PCDHA7: variants seen among roughly 807,000 people sequenced by gnomAD.
PCDHA7 encodes protocadherin alpha 7, also known as protocadherin alpha-7.
A neutral mutation model predicts 57.2 loss-of-function variants in PCDHA7; 37 were observed. The ratio of observed to expected loss-of-function variants is 0.65; its 90% CI spans 0.50 to 0.85. PCDHA7 has a LOEUF of 0.85. PCDHA7 is among the 40% of genes least tolerant of loss of function. The pLI is 0.00. For synonymous variants in PCDHA7, 553 were observed against 558.8 expected (o/e 0.99, Z 0.15); for missense variants, 1,188 against 1,241.8 (o/e 0.96, Z 0.65).
At chr5:140,915,841 G>A (rs1315300132) in intron 1 of PCDHA7, among the ~76,000 whole-genome samples, 1 of 152,098 alleles carries the variant, frequency 6.6e-6, no homozygotes, top group African/African-American at 2.4e-5. Context: ...GATCAGCAGG[G>A]GGTGACACCA....
chr5:140,873,537 A>G, intron 1 of PCDHA7, among the ~76,000 whole-genome samples: 1 of 152,274 alleles, frequency 6.6e-6, no homozygotes, highest in Admixed American at 6.5e-5. Flanking sequence ...TCTATGGTAT[A>G]AAATTATAAT....
chr5:140,937,527 G>A (rs1190290782), intron 1 of PCDHA7, among the ~76,000 whole-genome samples: 3 of 152,250 alleles, frequency 2.0e-5, no homozygotes, highest in Non-Finnish European at 4.4e-5. Flanking sequence ...TGAGGCAGGA[G>A]AATTGCTTGA....
intron 1 of PCDHA7, among the ~76,000 whole-genome samples, chr5:140,950,594 G>C (rs1469063256): frequency 6.6e-6 from 1 of 152,040 alleles, no homozygotes; most frequent in African/African-American, 2.4e-5. Flanking sequence ...TGGTTTAGAA[G>C]TTTGACTATG....
chr5:140,852,196 G>A lies in PCDHA7; in HGVS notation c.2355+15458G>A, dbSNP rs2150513230. The A allele has an allele frequency of 3.1e-5, 22 of 707,012 alleles. 1 individual carries two copies. The highest frequency in any genetic ancestry group is 1.9e-4 in the African/African-American group (10 of 51,666). The allele number at this position is 707,012 out of a possible 1,614,324, so 43.8% of individuals were successfully genotyped here. On this transcript the variant is annotated intron_variant, in intron 1 of 3. Transcript: ENST00000525929. ...AAATAACTATGAAAATGCCAGTAAC[G>A]TTTATTTAAAACAAAATATTTTAAT... is the stretch of plus-strand genomic sequence containing the variant.
At chr5:140,968,431 G>A in intron 1 of PCDHA7, 1 of 1,613,980 alleles carries the variant, frequency 6.2e-7, no homozygotes, top group Non-Finnish European at 8.5e-7. Context: ...AGGACAAGGG[G>A]AGCCCACCAC....
chr5:141,005,701 CAAAAA>C (rs59860837), intron 3 of PCDHA7, among the ~76,000 whole-genome samples: 1 of 7,786 alleles, frequency 1.3e-4, no homozygotes, highest in Non-Finnish European at 2.7e-4. Context: ...AACTCCGTCT[CAAAAA>C]AAAAAAAAAA....
intron 1 of PCDHA7, chr5:140,875,520 C>T: frequency 1.2e-6 from 2 of 1,614,004 alleles, no homozygotes; most frequent in Non-Finnish European, 1.7e-6. Flanking sequence ...GTCTGCTGCT[C>T]TCGCTTCTGC....
intron 1 of PCDHA7, chr5:140,966,461 C>A: frequency 2.3e-6 from 1 of 429,006 alleles, no homozygotes; most frequent in East Asian, 3.5e-5. Flanking sequence ...CCCCCTCTGT[C>A]TTCCCTTCTG....
chr5:140,965,275 C>T (rs1280046381), intron 1 of PCDHA7, among the ~76,000 whole-genome samples: 7 of 152,158 alleles, frequency 4.6e-5, no homozygotes, highest in Non-Finnish European at 1.0e-4. Context: ...GGCAATGACA[C>T]AGCATGGAAA....
Position 140,959,507 on chromosome 5 carries a change from T to C in PCDHA7, c.2356-19442T>C, listed in dbSNP as rs144994756. 4.4e-3 allele frequency among the ~76,000 whole-genome samples: 673 copies of C among 152,282 alleles called. 7 individuals are homozygous for C. Among genetic ancestry groups the C allele is most frequent in the African/African-American group, 0.015 (604 of 41,550 alleles). On this transcript the variant is annotated intron_variant, in intron 1 of 3. Coordinates refer to ENST00000525929, the MANE Select transcript of PCDHA7 (RefSeq NM_018910.3). Reference sequence around the variant, plus strand: ...GTTATATATGGATCAAACTAAAAAATTTTAAGATCTTTAAGACCATTAATT... The same window carrying C: ...GTTATATATGGATCAAACTAAAAAACTTTAAGATCTTTAAGACCATTAATT...
intron 1 of PCDHA7, chr5:140,928,010 G>A: frequency 1.2e-6 from 2 of 1,614,168 alleles, no homozygotes; most frequent in Non-Finnish European, 1.7e-6. Context: ...GATTCTAATG[G>A]TAGGGTCATT....
intron 1 of PCDHA7, among the ~76,000 whole-genome samples, chr5:140,958,658 A>T (rs1207660771): frequency 6.6e-6 from 1 of 152,174 alleles, no homozygotes; most frequent in African/African-American, 2.4e-5. Flanking sequence ...GAAAGCTATG[A>T]TGAAATTTTA....
At chr5:140,980,196 A>T (rs1404667828) in intron 2 of PCDHA7, among the ~76,000 whole-genome samples, 1 of 152,214 alleles carries the variant, frequency 6.6e-6, no homozygotes, top group Non-Finnish European at 1.5e-5. Flanking sequence ...TTTATTAGAG[A>T]CCAACTTGTG....
intron 1 of PCDHA7, among the ~76,000 whole-genome samples, chr5:140,916,847 C>G (rs1276107761): frequency 6.6e-6 from 1 of 152,116 alleles, no homozygotes; most frequent in Non-Finnish European, 1.5e-5. Flanking sequence ...GAGCCCAGCC[C>G]AGCACTAGGA....
rs2150314365 is a variant in PCDHA7 at position 140,841,377 on chromosome 5, T to C, written c.2355+4639T>C. On this transcript the variant is annotated intron_variant, in intron 1 of 3. Transcript: ENST00000525929. ...TCCTGGCGACTACTACTCTTGCTTC[T>C]GCTCCTCGCAGCCTGGAAGGTGGGG... is the stretch of plus-strand genomic sequence containing the variant. 2.2e-5 allele frequency: 35 copies of C among 1,613,546 alleles called. No homozygotes were observed. The South Asian group carries it at 2.3e-4, about 11-fold the overall frequency.
Position 141,010,353 on chromosome 5 carries a change from G to A in PCDHA7, c.*416G>A. On this transcript the variant is annotated 3_prime_UTR_variant, in exon 4 of 4. Transcript: ENST00000525929. ...AGTTTGTGGCCACTGGGTATGTGTG[G>A]CTACCGCGGGTATGCGAGTGCCAGA... is the stretch of plus-strand genomic sequence containing the variant. 1.3e-6 allele frequency: 2 copies of A among 1,507,486 alleles called. No individual in the cohort carries two copies. Among genetic ancestry groups the A allele is most frequent in the Non-Finnish European group, 1.8e-6 (2 of 1,128,244 alleles). The allele number at this position is 1,507,486 out of a possible 1,614,324, so 93.4% of individuals were successfully genotyped here. A position where few individuals can be genotyped will look rare whatever the true frequency, so the allele number is the denominator to read the frequency against.
At chr5:140,993,462 TCACACACA>T (rs3836747) in intron 3 of PCDHA7, among the ~76,000 whole-genome samples, 8,792 of 140,974 alleles carry the variant, frequency 0.062, 316 homozygotes, top group South Asian at 0.11. Flanking sequence ...TCTTTCTTTC[TCACACACA>T]CACACACACA....
chr5:140,882,049 T>C, intron 1 of PCDHA7: 1 of 752,814 alleles, frequency 1.3e-6, no homozygotes, highest in Non-Finnish European at 2.1e-6. Flanking sequence ...TGAGTCATAC[T>C]TACACTTACA....
chr5:140,880,417 G>A (rs1202890717), intron 1 of PCDHA7, among the ~76,000 whole-genome samples: 15 of 152,250 alleles, frequency 9.9e-5, no homozygotes, highest in South Asian at 2.1e-4. Context: ...CCTTAAAAGC[G>A]GGAACAGTTT....
Sources: gnomAD v4.1 joint callset for allele counts (sites outside exome capture counted in the v4.1 genomes callset) on GRCh38, gnomAD v4.1.1 for gene constraint, MANE v1.5 for transcripts, NCBI Gene and HGNC (gene_info 2026-07-23, HGNC 2026-07-21) for gene names.